The following AZIN2 variants were observed in gnomAD, a reference collection of about 807,000 sequenced individuals.
AZIN2 encodes ODC antizyme inhibitor-2.
A neutral mutation model predicts 47.8 loss-of-function variants in AZIN2; 28 were observed. The observed-to-expected ratio is 0.59, with a 90% CI of 0.43 to 0.80. The LOEUF is 0.80. Ranked by LOEUF, AZIN2 falls within the 30% of genes least tolerant of loss-of-function variation. The pLI, the probability that AZIN2 is intolerant of heterozygous loss-of-function variation, is 0.00. For synonymous variants in AZIN2, 221 were observed against 239.4 expected, an observed-to-expected ratio of 0.92 and a Z score of 0.71; for missense variants, 535 against 582.5, an observed-to-expected ratio of 0.92 and a Z score of 0.84.
the AZIN2 span, among the ~76,000 whole-genome samples, chr1:33,160,874 G>A: frequency 2.0e-5 from 3 of 152,208 alleles, no homozygotes; most frequent in Non-Finnish European, 4.4e-5. Flanking sequence ...AAGGAGCAAG[G>A]ACTGGTGTTT....
intron 5 of AZIN2, 67 bp downstream of exon 5, chr1:33,084,194 C>A (rs548752509): frequency 9.5e-5 from 150 of 1,581,176 alleles, no homozygotes; most frequent in Non-Finnish European, 1.2e-4. Flanking sequence ...CCAGGCTAGT[C>A]CAGGTGGGCT....
chr1:33,118,123 G>A lies in AZIN2; in HGVS notation c.1244+7G>A. ...CCATGTCCCGGGTGGCCTGGTAAGA[G>A]GGCCCTGCTGGAAAATGGGGGTATG... On this transcript the variant is annotated splice_region_variant and intron_variant, in intron 11 of 11. Coordinates refer to ENST00000294517, the MANE Select transcript of AZIN2 (RefSeq NM_052998.4). 6.6e-7 allele frequency: 1 copy of A among 1,506,286 alleles called. No homozygotes were observed. The highest frequency in any genetic ancestry group is 8.8e-7 in the Non-Finnish European group (1 of 1,130,296). The allele number at this position is 1,506,286 out of a possible 1,614,324, so 93.3% of individuals were successfully genotyped here. A position where few individuals can be genotyped will look rare whatever the true frequency, so the allele number is the denominator to read the frequency against.
intron 5 of AZIN2, among the ~76,000 whole-genome samples, chr1:33,091,662 G>T (rs1418008605): frequency 1.3e-5 from 2 of 152,274 alleles, no homozygotes; most frequent in Non-Finnish European, 2.9e-5. Flanking sequence ...TCCATATAAT[G>T]CCTTTGTGTA....
At chr1:33,165,922 A>G in the AZIN2 span, 1 of 173,564 alleles carries the variant, frequency 5.8e-6, no homozygotes, top group African/African-American at 2.4e-5. The surrounding 1 kb of genome is among the most constrained non-coding windows in gnomAD (Gnocchi z 4.0). Context: ...ACAGGTGGGT[A>G]TTGGTCCATA....
intron 7 of AZIN2, 119 bp from the exon 8 acceptor site, chr1:33,094,429 C>T: frequency 9.1e-7 from 1 of 1,094,128 alleles, no homozygotes; most frequent in Non-Finnish European, 1.3e-6. Flanking sequence ...ACCTTGGTCA[C>T]TGCATCTGTA....
At chr1:33,105,247 CTTTG>C (rs966124764) in intron 10 of AZIN2, among the ~76,000 whole-genome samples, 2 of 152,094 alleles carry the variant, frequency 1.3e-5, no homozygotes, top group Non-Finnish European at 2.9e-5. Context: ...TCATAGTGCA[CTTTG>C]TTTTTCACTT....
At chr1:33,134,407 C>G in the AZIN2 span, among the ~76,000 whole-genome samples, 2 of 152,262 alleles carry the variant, frequency 1.3e-5, no homozygotes, top group South Asian at 2.1e-4. Flanking sequence ...AGCTAAGGCG[C>G]TTAGGTAGCA....
chr1:33,098,070 A>C lies in AZIN2; in HGVS notation c.920A>C (p.Glu307Ala), dbSNP rs1316055226. The change falls in exon 10 of 12, where the codon GAA becomes GCA. Residue 307 changes from glutamate to alanine, a missense_variant. By Grantham distance (107) the Glu-to-Ala change is moderately radical (BLOSUM62 -1). Coordinates refer to ENST00000294517, the MANE Select transcript of AZIN2 (RefSeq NM_052998.4). ...TCTGAACCCTCCCCTCCTGCAGAGGAAAATGGTTCCACCTCCAAGACCATC... is the reference window on the plus strand; with the variant it reads ...TCTGAACCCTCCCCTCCTGCAGAGGCAAATGGTTCCACCTCCAAGACCATC... ...VLLDQPGREE[E>A]NGSTSKTIVY... 1 of 1,611,842 alleles carries C rather than the reference A, an allele frequency of 6.2e-7. No individual in the cohort carries two copies. Among genetic ancestry groups the C allele is most frequent in the South Asian group, 1.1e-5 (1 of 91,054 alleles).
intron 10 of AZIN2, among the ~76,000 whole-genome samples, chr1:33,107,725 CT>C (rs1644084828): frequency 6.6e-6 from 1 of 152,104 alleles, no homozygotes; most frequent in African/African-American, 2.4e-5. Flanking sequence ...ATCAAGAAAA[CT>C]ATCCCATTTA....
intron 5 of AZIN2, among the ~76,000 whole-genome samples, chr1:33,090,372 A>C (rs1277460502): frequency 6.6e-6 from 1 of 152,198 alleles, no homozygotes; most frequent in African/African-American, 2.4e-5. Flanking sequence ...TGTTCATATC[A>C]TTAATGCAGC....
At chr1:33,137,605 G>A in the AZIN2 span, among the ~76,000 whole-genome samples, 3,653 of 152,238 alleles carry the variant, frequency 0.024, 71 homozygotes, top group Middle Eastern at 0.037. Flanking sequence ...ATCCCCAGAG[G>A]GGGGATCTTG....
In AZIN2 at chr1:33,082,323, A is replaced by C. The variant is rs772490870; in HGVS notation, c.74A>C (p.Glu25Ala). ...TTCAGTACCCGAGACCTGCTGAAGG[A>C]ACTCACTCTGGGGGCCTCACAGGCC... Reference protein sequence around the residue: ...EGFSTRDLLKELTLGASQATT... With the variant: ...EGFSTRDLLKALTLGASQATT... The change falls in exon 4 of 12, where the codon GAA (glutamate) becomes GCA (alanine). Residue 25 changes from glutamate to alanine, a missense_variant. By Grantham distance (107) the Glu-to-Ala change is moderately radical (BLOSUM62 -1). Transcript: ENST00000294517. The C allele has an allele frequency of 1.2e-6, 2 of 1,613,862 alleles. No homozygotes were observed. The highest frequency in any genetic ancestry group is 2.7e-5 in the African/African-American group (2 of 74,892).
In AZIN2 at chr1:33,123,463, C is replaced by CT. The variant is rs1273186941; in HGVS notation, c.*3282dup. 2.0e-5 allele frequency among the ~76,000 whole-genome samples: 3 copies of CT among 152,320 alleles called. No individual in the cohort carries two copies. In the East Asian group the frequency reaches 5.8e-4, roughly 29 times the overall value. On this transcript the variant is annotated 3_prime_UTR_variant, in exon 12 of 12. Coordinates refer to ENST00000294517, the MANE Select transcript of AZIN2 (RefSeq NM_052998.4). ...GGCAAATGAATAAACATGTCTGAAT[C>CT]TGTCTGAATAAACATGCTCTTAACC...
Position 33,093,282 on chromosome 1 carries a change from G to C in AZIN2, c.453G>C (p.Lys151Asn). Residue 151 changes from lysine to asparagine, a missense_variant and splice_region_variant, in exon 7 of 12, where the codon AAG (lysine) becomes AAC (asparagine). Coordinates refer to ENST00000294517, the MANE Select transcript of AZIN2 (RefSeq NM_052998.4). ...AKVVKSHPSA[K>N]MVLCIATDDS... The stretch of plus-strand genomic sequence containing the variant: ...AGAGGGGCACTGCGTGTCTCATCAG[G>C]ATGGTTCTGTGCATTGCTACCGATG... 6.2e-7 allele frequency: 1 copy of C among 1,613,976 alleles called. No homozygotes were observed. Among genetic ancestry groups the C allele is most frequent in the Non-Finnish European group, 8.5e-7 (1 of 1,179,946 alleles).
chr1:33,087,861 T>C (rs763508725), intron 5 of AZIN2, among the ~76,000 whole-genome samples: 3 of 152,204 alleles, frequency 2.0e-5, no homozygotes, highest in Non-Finnish European at 4.4e-5. Flanking sequence ...GCACTTCTTA[T>C]AGCTGAGACA....
chr1:33,148,437 GAAC>G, the AZIN2 span, among the ~76,000 whole-genome samples: 24 of 152,158 alleles, frequency 1.6e-4, no homozygotes, highest in African/African-American at 5.8e-4. Flanking sequence ...ACTTCCCTAA[GAAC>G]TGTTTGCTTT....
At chr1:33,098,832 C>T (rs1643419530) in intron 10 of AZIN2, among the ~76,000 whole-genome samples, 2 of 150,780 alleles carry the variant, frequency 1.3e-5, no homozygotes, top group South Asian at 2.1e-4. Flanking sequence ...GGTGTGATCT[C>T]GGCTCACTGC....
the AZIN2 span, among the ~76,000 whole-genome samples, chr1:33,161,490 C>T: frequency 6.6e-6 from 1 of 152,176 alleles, no homozygotes. The surrounding 1 kb of genome is among the most constrained non-coding windows in gnomAD (Gnocchi z 4.3). Flanking sequence ...TCAATTAGGG[C>T]CTGTTCCCTC....
chr1:33,097,104 G>C (rs775859790), intron 9 of AZIN2: 12 of 559,080 alleles, frequency 2.1e-5, no homozygotes, highest in Non-Finnish European at 3.8e-5. Context: ...AACAACCTTA[G>C]AGAGAATAGA....
Sources: gnomAD v4.1 joint callset for allele counts (sites outside exome capture counted in the v4.1 genomes callset) on GRCh38, gnomAD v4.1.1 for gene constraint, Gnocchi (gnomAD v3.1) non-coding constraint, MANE v1.5 for transcripts, NCBI Gene and HGNC (gene_info 2026-07-23, HGNC 2026-07-21) for gene names.